DAG1: variants seen among roughly 807,000 people sequenced by gnomAD.
DAG1 encodes dystroglycan 1 (dystrophin-associated glycoprotein 1).
In DAG1, 8 loss-of-function variants were observed where a neutral mutation model predicts 46.1. That is an observed-to-expected ratio of 0.17 (90% CI 0.10 to 0.31). The LOEUF (loss-of-function observed/expected upper bound fraction) is 0.31, where lower values mean the gene tolerates loss of function less well. DAG1 is among the 10% of genes least tolerant of loss of function. DAG1 has a pLI of 1.00. For synonymous variants in DAG1, 495 were observed against 481.8 expected (o/e 1.03, Z -0.36); for missense variants, 1,003 against 1,189.9 (o/e 0.84, Z 2.31).
intron 2 of DAG1, among the ~76,000 whole-genome samples, chr3:49,526,534 T>G (rs2051176171): frequency 6.6e-6 from 1 of 150,996 alleles, no homozygotes; most frequent in Non-Finnish European, 1.5e-5. Context: ...CATGGCGAAA[T>G]CCCATCTCTA....
chr3:49,514,291 T>C (rs901065106), intron 2 of DAG1, among the ~76,000 whole-genome samples: 10 of 152,112 alleles, frequency 6.6e-5, no homozygotes, highest in Admixed American at 6.5e-5. Flanking sequence ...TTTCTTATTA[T>C]AATAATGATG....
intron 1 of DAG1, chr3:49,487,308 C>A (rs1198131814): frequency 2.0e-5 from 3 of 152,258 alleles, no homozygotes; most frequent in African/African-American, 7.2e-5. Context: ...ACGGTTCTTC[C>A]CCCAGTACGT....
chr3:49,503,043 A>C (rs898608710), intron 1 of DAG1, among the ~76,000 whole-genome samples: 3 of 152,142 alleles, frequency 2.0e-5, no homozygotes, highest in Non-Finnish European at 4.4e-5. Flanking sequence ...TTTCCAGTAC[A>C]TGGACATTAG....
intron 1 of DAG1, among the ~76,000 whole-genome samples, chr3:49,491,126 C>T (rs898477911): frequency 6.6e-6 from 1 of 151,856 alleles, no homozygotes; most frequent in Non-Finnish European, 1.5e-5. Context: ...CCAGGTGGTC[C>T]GCCTGCCTCA....
chr3:49,519,194 T>C (rs1396620107), intron 2 of DAG1, among the ~76,000 whole-genome samples: 2 of 152,192 alleles, frequency 1.3e-5, no homozygotes, highest in Non-Finnish European at 2.9e-5. Flanking sequence ...AATGTGATTA[T>C]ATGCCAGGAG....
chr3:49,496,630 G>T (rs535589669), intron 1 of DAG1, among the ~76,000 whole-genome samples: 1 of 151,738 alleles, frequency 6.6e-6, no homozygotes, highest in African/African-American at 2.4e-5. Context: ...AGAGTGCTGG[G>T]ATTACAGGCA....
At position 49,510,647 on chromosome 3, in the gene DAG1, C is replaced by T; in HGVS notation, c.113C>T (p.Ala38Val). ...QSHWPSEPSE[A>V]VRDWENQLEA... ...CACTGGCCCAGTGAACCCTCAGAGG[C>T]TGTCAGGGACTGGGAAAACCAGCTT... Residue 38 changes from alanine to valine, a missense_variant, in exon 2 of 3, where the codon GCT becomes GTT. Coordinates refer to ENST00000308775, the MANE Select transcript of DAG1 (RefSeq NM_004393.6). The T allele has an allele frequency of 6.2e-7, 1 of 1,614,166 alleles. No individual in the cohort carries two copies. Among genetic ancestry groups the T allele is most frequent in the Non-Finnish European group, 8.5e-7 (1 of 1,180,026 alleles).
At chr3:49,507,877 G>A (rs1187086142) in intron 1 of DAG1, among the ~76,000 whole-genome samples, 1 of 151,828 alleles carries the variant, frequency 6.6e-6, no homozygotes, top group Non-Finnish European at 1.5e-5. Context: ...ATATCATATT[G>A]GATGAGTTGT....
chr3:49,516,655 C>T (rs1169343419), intron 2 of DAG1, among the ~76,000 whole-genome samples: 1 of 152,192 alleles, frequency 6.6e-6, no homozygotes, highest in African/African-American at 2.4e-5. Flanking sequence ...TTGGGAGCCC[C>T]TTTAAGTTGG....
At chr3:49,477,928 C>A (rs2049728408) in intron 1 of DAG1, among the ~76,000 whole-genome samples, 1 of 150,506 alleles carries the variant, frequency 6.6e-6, no homozygotes. Context: ...TGCCATCACA[C>A]TCCAGCCTGG....
chr3:49,485,463 T>C (rs1461400864), intron 1 of DAG1, among the ~76,000 whole-genome samples: 1 of 152,194 alleles, frequency 6.6e-6, no homozygotes, highest in African/African-American at 2.4e-5. Context: ...TACCAGAATT[T>C]ATCAAGCCTT....
At chr3:49,486,071 G>A (rs2050015952) in intron 1 of DAG1, among the ~76,000 whole-genome samples, 1 of 152,080 alleles carries the variant, frequency 6.6e-6, no homozygotes, top group South Asian at 2.1e-4. Flanking sequence ...GGCCTGGGGA[G>A]GCACTGCTCT....
At chr3:49,481,781 A>C (rs2049887663) in intron 1 of DAG1, among the ~76,000 whole-genome samples, 1 of 152,162 alleles carries the variant, frequency 6.6e-6, no homozygotes, top group Non-Finnish European at 1.5e-5. Context: ...TTTACTCTTC[A>C]TTTCTATAGA....
At chr3:49,496,870 C>T (rs2050326933) in intron 1 of DAG1, among the ~76,000 whole-genome samples, 1 of 151,960 alleles carries the variant, frequency 6.6e-6, no homozygotes, top group African/African-American at 2.4e-5. Context: ...CGTGATCCAC[C>T]CACCTCGGCC....
In DAG1 at chr3:49,485,749, T is replaced by C. The variant is rs543633794; in HGVS notation, c.-117+15316T>C. Among the ~76,000 whole-genome samples, 103 of 150,628 alleles carry C rather than the reference T, an allele frequency of 6.8e-4. 1 individual carries two copies. The highest frequency in any genetic ancestry group is 2.4e-3 in the African/African-American group (100 of 41,040). On this transcript the variant is annotated intron_variant, in intron 1 of 2. Coordinates refer to ENST00000308775, the MANE Select transcript of DAG1 (RefSeq NM_004393.6). ...TGATCATGGCTCACTGCAGTCTGAA[T>C]TCCTGGGCTTAAGCAATCCTCCTGC...
intron 1 of DAG1, among the ~76,000 whole-genome samples, chr3:49,498,719 A>G (rs377281869): frequency 6.9e-6 from 1 of 144,986 alleles, no homozygotes; most frequent in African/African-American, 2.5e-5. Flanking sequence ...TTATTAATTA[A>G]TTTTTTTTTT....
chr3:49,483,785 C>T (rs1398136918), intron 1 of DAG1, among the ~76,000 whole-genome samples: 3 of 152,094 alleles, frequency 2.0e-5, no homozygotes, highest in Non-Finnish European at 4.4e-5. Context: ...AGCAATCCTC[C>T]CACCTCAGCC....
chr3:49,493,721 G>A (rs1292597477), intron 1 of DAG1, among the ~76,000 whole-genome samples: 1 of 152,194 alleles, frequency 6.6e-6, no homozygotes, highest in Non-Finnish European at 1.5e-5. Flanking sequence ...CCAGCAATGT[G>A]GGAGCTAGTG....
At chr3:49,477,644 T>C (rs2049720227) in intron 1 of DAG1, among the ~76,000 whole-genome samples, 1 of 152,160 alleles carries the variant, frequency 6.6e-6, no homozygotes, top group South Asian at 2.1e-4. Context: ...GGATAATACA[T>C]ACATTTAAGT....
Sources: allele counts gnomAD v4.1 joint callset (sites outside exome capture counted in the v4.1 genomes callset), GRCh38; gene constraint gnomAD v4.1.1; transcripts MANE v1.5; gene names NCBI Gene and HGNC (gene_info 2026-07-23, HGNC 2026-07-21).